The following NLGN1 variants were observed in gnomAD, a reference collection of about 807,000 sequenced individuals.
The protein encoded by NLGN1 is neuroligin 1.
Under a neutral mutation model 65.5 loss-of-function variants are expected in NLGN1, and 12 were observed. The ratio of observed to expected loss-of-function variants is 0.18; its 90% CI spans 0.12 to 0.30. The LOEUF is 0.30. Ranked by LOEUF, NLGN1 falls within the 10% of genes least tolerant of loss-of-function variation. NLGN1 has a pLI of 1.00. For missense variants in NLGN1, 750 were observed against 1,007.1 expected, an observed-to-expected ratio of 0.74 and a Z score of 3.46; for synonymous variants, 350 against 359.5, an observed-to-expected ratio of 0.97 and a Z score of 0.30.
intron 4 of NLGN1, among the ~76,000 whole-genome samples, chr3:174,019,656 A>G (rs558868988): frequency 1.3e-5 from 2 of 152,290 alleles, no homozygotes; most frequent in East Asian, 3.9e-4. Context: ...GTATCTCTGC[A>G]TGGTATATTG....
At chr3:173,474,272 C>T (rs1271741576) in intron 2 of NLGN1, among the ~76,000 whole-genome samples, 1 of 152,126 alleles carries the variant, frequency 6.6e-6, no homozygotes, top group African/African-American at 2.4e-5. Context: ...TTCAGTACTT[C>T]ATGAAAGACT....
At chr3:174,047,356 A>C (rs1244203144) in intron 4 of NLGN1, among the ~76,000 whole-genome samples, 6 of 152,008 alleles carry the variant, frequency 3.9e-5, no homozygotes, top group Non-Finnish European at 1.5e-5. Context: ...AAGAGATTTC[A>C]ATTTTAGCCA....
intron 2 of NLGN1, 128 bp from the exon 2 acceptor site, chr3:173,604,151 C>A (rs3843052): frequency 0.59 from 91,903 of 155,338 alleles, 29,194 homozygotes; most frequent in East Asian, 0.72. Flanking sequence ...GATGATTTTC[C>A]TATGGTAACA....
intron 4 of NLGN1, among the ~76,000 whole-genome samples, chr3:174,155,505 AAACTTT>A (rs1319261464): frequency 1.3e-5 from 2 of 152,056 alleles, no homozygotes; most frequent in Admixed American, 6.6e-5. Flanking sequence ...ATATACTTGC[AAACTTT>A]TCATTAGACA....
intron 4 of NLGN1, among the ~76,000 whole-genome samples, chr3:174,083,096 A>G (rs1238233983): frequency 6.6e-6 from 1 of 152,184 alleles, no homozygotes; most frequent in African/African-American, 2.4e-5. Flanking sequence ...CTTAAATAAC[A>G]TATTAGATCT....
At chr3:174,215,786 A>G (rs1737482013) in intron 4 of NLGN1, among the ~76,000 whole-genome samples, 1 of 152,162 alleles carries the variant, frequency 6.6e-6, no homozygotes, top group Non-Finnish European at 1.5e-5. Context: ...GTTGCCAATG[A>G]ATATATTTGA....
intron 4 of NLGN1, among the ~76,000 whole-genome samples, chr3:173,908,078 A>C (rs1035004531): frequency 6.6e-6 from 1 of 152,242 alleles, no homozygotes; most frequent in East Asian, 1.9e-4. Flanking sequence ...AAAACAGGAC[A>C]ACTTTTATAA....
At chr3:174,139,806 T>A (rs1721969335) in intron 4 of NLGN1, among the ~76,000 whole-genome samples, 1 of 152,222 alleles carries the variant, frequency 6.6e-6, no homozygotes, top group South Asian at 2.1e-4. Context: ...TTGGCCATTC[T>A]AATAGATATG....
At chr3:173,846,258 T>C (rs532700176) in intron 4 of NLGN1, among the ~76,000 whole-genome samples, 164 of 152,334 alleles carry the variant, frequency 1.1e-3, no homozygotes, top group African/African-American at 3.8e-3. Flanking sequence ...TGAAGACTTA[T>C]TGGAAAGAAA....
chr3:174,143,664 C>T (rs547954506), intron 4 of NLGN1, among the ~76,000 whole-genome samples: 18 of 152,128 alleles, frequency 1.2e-4, no homozygotes, highest in African/African-American at 4.1e-4. Flanking sequence ...CCACAATGCA[C>T]TCTTTGGCAA....
chr3:174,119,583 T>A (rs1224994673), intron 4 of NLGN1, among the ~76,000 whole-genome samples: 1 of 152,192 alleles, frequency 6.6e-6, no homozygotes, highest in African/African-American at 2.4e-5. Context: ...CTATAACACA[T>A]GCTATTGTTA....
chr3:174,004,518 G>T (rs924580438), intron 4 of NLGN1, among the ~76,000 whole-genome samples: 1 of 152,008 alleles, frequency 6.6e-6, no homozygotes, highest in Non-Finnish European at 1.5e-5. Context: ...CAAACCCAAG[G>T]TTGTGCTCTG....
At chr3:174,208,007 A>G (rs1419404010) in intron 4 of NLGN1, among the ~76,000 whole-genome samples, 1 of 152,226 alleles carries the variant, frequency 6.6e-6, no homozygotes, top group African/African-American at 2.4e-5. Context: ...TTGACACATT[A>G]TAAAGCAAAC....
intron 3 of NLGN1, among the ~76,000 whole-genome samples, chr3:173,806,710 A>G (rs184168006): frequency 6.6e-5 from 10 of 152,270 alleles, no homozygotes; most frequent in Admixed American, 6.5e-4. Context: ...TGCATTTTTC[A>G]TACTGATTAA....
chr3:173,727,949 T>A (rs561925250), intron 3 of NLGN1, among the ~76,000 whole-genome samples: 1 of 152,092 alleles, frequency 6.6e-6, no homozygotes, highest in African/African-American at 2.4e-5. Context: ...ATGGATCAGA[T>A]CATAAAAGTC....
At chr3:174,171,702 T>A (rs946936336) in intron 4 of NLGN1, among the ~76,000 whole-genome samples, 4 of 152,158 alleles carry the variant, frequency 2.6e-5, no homozygotes, top group Non-Finnish European at 5.9e-5. Flanking sequence ...GAATTTTGAA[T>A]CTTTAGGTAT....
At chr3:173,460,421 C>T (rs1479111627) in intron 2 of NLGN1, among the ~76,000 whole-genome samples, 2 of 152,072 alleles carry the variant, frequency 1.3e-5, no homozygotes, top group African/African-American at 2.4e-5. Context: ...AACTGTTATT[C>T]TCTGTTCTTT....
chr3:173,519,229 T>G (rs906016453), intron 2 of NLGN1, among the ~76,000 whole-genome samples: 5 of 152,222 alleles, frequency 3.3e-5, no homozygotes, highest in Admixed American at 3.3e-4. Context: ...AGAAAGCTGC[T>G]GCAGGGGTAG....
At chr3:173,646,783 A>G (rs886681794) in intron 3 of NLGN1, among the ~76,000 whole-genome samples, 5 of 152,212 alleles carry the variant, frequency 3.3e-5, no homozygotes, top group African/African-American at 1.2e-4. Flanking sequence ...ATAAAGGGGA[A>G]TAAACAGATG....
Sources: allele counts gnomAD v4.1 joint callset (sites outside exome capture counted in the v4.1 genomes callset), GRCh38; gene constraint gnomAD v4.1.1; transcripts MANE v1.5; gene names NCBI Gene and HGNC (gene_info 2026-07-23, HGNC 2026-07-21).